Variants in TAB2 observed in about 807,000 individuals in gnomAD.
The protein encoded by TAB2 is TGF-beta-activated kinase 1 and MAP3K7-binding protein 2.
A neutral mutation model predicts 65.0 loss-of-function variants in TAB2; 3 were observed. The ratio of observed to expected loss-of-function variants is 0.05; its 90% CI spans 0.02 to 0.12. The LOEUF is 0.12. Ranked by LOEUF, TAB2 falls within the 10% of genes least tolerant of loss-of-function variation. TAB2 has a pLI of 1.00. For synonymous variants in TAB2, 298 were observed against 285.1 expected (o/e 1.05, Z -0.46); for missense variants, 623 against 840.3 (o/e 0.74, Z 3.20).
intron 1 of TAB2, among the ~76,000 whole-genome samples, chr6:149,365,171 GA>G (rs1355061243): frequency 6.6e-6 from 1 of 152,062 alleles, no homozygotes; most frequent in African/African-American, 2.4e-5. Flanking sequence ...TTTTTCTCAG[GA>G]GAGGGTTTAT....
At chr6:149,326,722 A>G (rs974413628) in intron 1 of TAB2, among the ~76,000 whole-genome samples, 1 of 151,854 alleles carries the variant, frequency 6.6e-6, no homozygotes, top group Non-Finnish European at 1.5e-5. Flanking sequence ...TAATTTTTGT[A>G]TTTTTAGTAA....
chr6:149,326,628 A>G (rs1319512528), intron 1 of TAB2, among the ~76,000 whole-genome samples: 1 of 151,772 alleles, frequency 6.6e-6, no homozygotes, highest in Non-Finnish European at 1.5e-5. Context: ...GCTCACTGCA[A>G]CCTTTGCCTC....
At chr6:149,233,724 C>T (rs1230372963) in intron 1 of TAB2, among the ~76,000 whole-genome samples, 2 of 152,280 alleles carry the variant, frequency 1.3e-5, no homozygotes, top group African/African-American at 4.8e-5. Flanking sequence ...TTTCTCAAGG[C>T]CAGAAACTCA....
intron 1 of TAB2, among the ~76,000 whole-genome samples, chr6:149,250,281 T>A (rs900314389): frequency 2.6e-5 from 4 of 151,202 alleles, no homozygotes; most frequent in African/African-American, 9.8e-5. Context: ...AACCTTAGTG[T>A]GTAGACAGTG....
At chr6:149,355,134 G>A (rs1042721244) in intron 1 of TAB2, among the ~76,000 whole-genome samples, 2 of 151,954 alleles carry the variant, frequency 1.3e-5, no homozygotes, top group Non-Finnish European at 2.9e-5. Flanking sequence ...ATGATGCGCC[G>A]CCCCTATACT....
rs1159436124 is a variant in TAB2 at position 149,219,899 on chromosome 6, G to A, written c.-121+1123G>A. 3.3e-5 allele frequency among the ~76,000 whole-genome samples: 5 copies of A among 151,932 alleles called. No individual in the cohort carries two copies. The East Asian group carries it at 5.8e-4, about 18-fold the overall frequency. On this transcript the variant is annotated intron_variant, in intron 1 of 1. Transcript: ENST00000606202. ...CCTCTTTACGCTCTTAAAAATTATC[G>A]AAAACCCCAAAGAACTTTTGTTTAT...
intron 1 of TAB2, among the ~76,000 whole-genome samples, chr6:149,346,225 T>C (rs1369783929): frequency 6.6e-6 from 1 of 152,132 alleles, no homozygotes; most frequent in Admixed American, 6.5e-5. Flanking sequence ...CTTGTGAACT[T>C]ATCATACTCC....
At chr6:149,345,026 T>A (rs917597746) in intron 1 of TAB2, among the ~76,000 whole-genome samples, 1 of 152,176 alleles carries the variant, frequency 6.6e-6, no homozygotes, top group African/African-American at 2.4e-5. Context: ...ATTGGGAGAC[T>A]CTTATATTTA....
In TAB2 at chr6:149,268,143, A is replaced by G. The variant is rs541898475; in HGVS notation, c.-121+49367A>G. ...TTAACCATGAAGGCACTTGCTCACC[A>G]AAAAGAAACCCAGACGTCATCAGTT... is the stretch of plus-strand genomic sequence containing the variant. On this transcript the variant is annotated intron_variant, in intron 1 of 1. Coordinates refer to the TAB2 transcript ENST00000606202. 2.6e-5 allele frequency among the ~76,000 whole-genome samples: 4 copies of G among 152,318 alleles called. No individual in the cohort carries two copies. The East Asian group carries it at 5.8e-4, about 22-fold the overall frequency.
intron 1 of TAB2, among the ~76,000 whole-genome samples, chr6:149,330,237 G>T (rs1353867023): frequency 6.6e-6 from 1 of 152,126 alleles, no homozygotes; most frequent in African/African-American, 2.4e-5. Flanking sequence ...ACTTTGGGTT[G>T]TAAAAATAAA....
chr6:149,307,512 C>T (rs1489741408), intron 1 of TAB2, among the ~76,000 whole-genome samples: 4 of 152,174 alleles, frequency 2.6e-5, no homozygotes, highest in African/African-American at 9.7e-5. Flanking sequence ...CTGCTGCCCT[C>T]TCAAGATTTC....
At chr6:149,229,433 AT>A (rs1165998294) in intron 1 of TAB2, among the ~76,000 whole-genome samples, 1 of 150,894 alleles carries the variant, frequency 6.6e-6, no homozygotes. Flanking sequence ...TGTGTGTGTA[AT>A]TTTTTTCTTT....
chr6:149,250,730 G>A (rs1408008360), intron 1 of TAB2, among the ~76,000 whole-genome samples: 4 of 152,142 alleles, frequency 2.6e-5, no homozygotes, highest in East Asian at 1.9e-4. Flanking sequence ...GCAGCACACC[G>A]GCTATTTTTT....
chr6:149,403,291 C>CATAT (rs1363409778), intron 6 of TAB2, among the ~76,000 whole-genome samples: 1 of 83,568 alleles, frequency 1.2e-5, no homozygotes, highest in Non-Finnish European at 2.2e-5. Context: ...TATACACACA[C>CATAT]ACACATATAT....
At chr6:149,258,667 C>G (rs1297907622) in intron 1 of TAB2, among the ~76,000 whole-genome samples, 1 of 152,192 alleles carries the variant, frequency 6.6e-6, no homozygotes, top group African/African-American at 2.4e-5. Flanking sequence ...TAACCTATCT[C>G]TTTTCAGTCT....
intron 1 of TAB2, among the ~76,000 whole-genome samples, chr6:149,255,987 G>A (rs371238481): frequency 6.6e-6 from 1 of 152,194 alleles, no homozygotes; most frequent in East Asian, 1.9e-4. Flanking sequence ...TTCTCTGGGG[G>A]CTCAAGAATG....
intron 1 of TAB2, among the ~76,000 whole-genome samples, chr6:149,319,964 C>T (rs950586177): frequency 6.6e-6 from 1 of 152,150 alleles, no homozygotes; most frequent in African/African-American, 2.4e-5. Context: ...TTAACTTAAT[C>T]CCGTTTGATT....
At chr6:149,384,684 T>G (rs1486815259) in intron 3 of TAB2, among the ~76,000 whole-genome samples, 1 of 152,204 alleles carries the variant, frequency 6.6e-6, no homozygotes, top group Admixed American at 6.5e-5. Context: ...CAACTCTAGC[T>G]TCCAAAAAAT....
At chr6:149,386,570 T>A (rs1336831655) in intron 3 of TAB2, among the ~76,000 whole-genome samples, 5 of 152,234 alleles carry the variant, frequency 3.3e-5, no homozygotes, top group Non-Finnish European at 7.3e-5. Context: ...TCATCTATGG[T>A]ATAGCAGCAA....
Sources: gnomAD v4.1 joint callset for allele counts (sites outside exome capture counted in the v4.1 genomes callset) on GRCh38, gnomAD v4.1.1 for gene constraint, MANE v1.5 for transcripts, NCBI Gene and HGNC (gene_info 2026-07-23, HGNC 2026-07-21) for gene names.